Variants in SYT14 observed in about 807,000 individuals in gnomAD.
SYT14 encodes the protein synaptotagmin-14.
SYT14 carries 32 observed loss-of-function variants against 74.2 expected under a neutral mutation model. The ratio of observed to expected loss-of-function variants is 0.43; its 90% CI spans 0.33 to 0.58. The LOEUF is 0.58. Among genes scored for constraint, SYT14 ranks in the 20% least tolerant of loss-of-function variants. The probability of loss-of-function intolerance (pLI) is 0.05; values close to 1 mark genes in which losing one functional copy is unlikely to be tolerated. For missense variants in SYT14, 791 were observed against 981.8 expected (o/e 0.81, Z 2.60); for synonymous variants, 298 against 337.7 (o/e 0.88, Z 1.29).
chr1:210,014,425 T>C (rs926819295), intron 3 of SYT14, among the ~76,000 whole-genome samples: 3 of 151,606 alleles, frequency 2.0e-5, no homozygotes, highest in African/African-American at 7.2e-5. Context: ...TGTTTTTTTT[T>C]TTTTTAATTA....
At chr1:210,101,870 T>G (rs2082073501) in intron 7 of SYT14, among the ~76,000 whole-genome samples, 1 of 152,172 alleles carries the variant, frequency 6.6e-6, no homozygotes, top group East Asian at 1.9e-4. Flanking sequence ...GTATGTAATT[T>G]ATCTGTTACC....
chr1:210,031,431 G>A (rs754506114), intron 5 of SYT14, among the ~76,000 whole-genome samples: 6 of 152,106 alleles, frequency 3.9e-5, no homozygotes, highest in Non-Finnish European at 7.4e-5. Flanking sequence ...TGGCCTCATA[G>A]GATGAGTTAG....
At chr1:210,092,239 A>ATACCGGGC (rs1009342763) in intron 5 of SYT14, among the ~76,000 whole-genome samples, 1 of 152,166 alleles carries the variant, frequency 6.6e-6, no homozygotes, top group African/African-American at 2.4e-5. Context: ...GATGTTTCAG[A>ATACCGGGC]TACCGGGCTT....
chr1:209,983,283 T>A (rs770669986), intron 2 of SYT14, among the ~76,000 whole-genome samples: 5 of 152,296 alleles, frequency 3.3e-5, no homozygotes, highest in South Asian at 2.1e-4. Context: ...GGCCATTACT[T>A]CTTCTGATAT....
At chr1:210,155,041 C>G (rs958440125) in intron 7 of SYT14, among the ~76,000 whole-genome samples, 1 of 152,046 alleles carries the variant, frequency 6.6e-6, no homozygotes, top group Non-Finnish European at 1.5e-5. Context: ...GTTTCTCTTT[C>G]TAGTTCTGGC....
intron 1 of SYT14, among the ~76,000 whole-genome samples, chr1:209,943,307 C>G (rs1351981692): frequency 6.6e-6 from 1 of 151,860 alleles, no homozygotes; most frequent in Non-Finnish European, 1.5e-5. Context: ...AGTTTTGAGA[C>G]CAGCCTGGCC....
intron 7 of SYT14, among the ~76,000 whole-genome samples, chr1:210,150,689 T>C (rs1304104290): frequency 6.6e-6 from 1 of 152,174 alleles, no homozygotes; most frequent in Non-Finnish European, 1.5e-5. Flanking sequence ...AAAAACTGAA[T>C]GCTATCTTCC....
intron 2 of SYT14, among the ~76,000 whole-genome samples, chr1:209,958,444 T>C (rs2079026585): frequency 6.6e-6 from 1 of 152,208 alleles, no homozygotes; most frequent in Non-Finnish European, 1.5e-5. Context: ...TTTGGAATTT[T>C]AATAGGAATT....
At chr1:209,994,860 C>G (rs1020482393) in intron 2 of SYT14, among the ~76,000 whole-genome samples, 1 of 152,132 alleles carries the variant, frequency 6.6e-6, no homozygotes, top group Non-Finnish European at 1.5e-5. Flanking sequence ...AAAAGGAATT[C>G]CAGCTAAGAA....
chr1:210,010,440 C>T (rs2080066430), intron 2 of SYT14, among the ~76,000 whole-genome samples: 1 of 152,002 alleles, frequency 6.6e-6, no homozygotes, highest in South Asian at 2.1e-4. Context: ...TATAGAATGC[C>T]ATGTATATTA....
At chr1:209,952,987 T>G in intron 2 of SYT14, 1 of 1,401,254 alleles carries the variant, frequency 7.1e-7, no homozygotes, top group East Asian at 2.8e-5. Context: ...GCCTGGTTTC[T>G]AGCATATTGG....
At chr1:210,062,174 C>T (rs2102414186) in intron 5 of SYT14, among the ~76,000 whole-genome samples, 1 of 151,828 alleles carries the variant, frequency 6.6e-6, no homozygotes, top group Middle Eastern at 3.4e-3. Flanking sequence ...GTTGCATTAG[C>T]CTGCTGGATG....
chr1:210,066,111 T>G (rs2081291164), intron 5 of SYT14, among the ~76,000 whole-genome samples: 1 of 151,882 alleles, frequency 6.6e-6, no homozygotes, highest in Non-Finnish European at 1.5e-5. Flanking sequence ...CACATTTTCT[T>G]AATCCAGTCT....
At chr1:210,090,796 A>G (rs760986436) in intron 5 of SYT14, among the ~76,000 whole-genome samples, 2 of 152,132 alleles carry the variant, frequency 1.3e-5, no homozygotes, top group African/African-American at 4.8e-5. Flanking sequence ...TCTTATATCA[A>G]TTACATTTAA....
intron 1 of SYT14, among the ~76,000 whole-genome samples, chr1:209,949,583 AAAAC>A (rs2078879767): frequency 2.0e-5 from 3 of 152,212 alleles, no homozygotes; most frequent in East Asian, 1.9e-4. Context: ...AAAAAAAAAA[AAAAC>A]ACTCAATTTC....
intron 5 of SYT14, among the ~76,000 whole-genome samples, chr1:210,038,352 C>T (rs1187085498): frequency 6.6e-6 from 1 of 151,990 alleles, no homozygotes; most frequent in African/African-American, 2.4e-5. Context: ...CTGGTTGTGT[C>T]ATGTTTTTTA....
intron 5 of SYT14, among the ~76,000 whole-genome samples, chr1:210,023,526 T>C (rs2080345858): frequency 6.6e-6 from 1 of 151,910 alleles, no homozygotes; most frequent in South Asian, 2.1e-4. Context: ...GTATTTTTAG[T>C]AGACACGGGG....
rs2079149912 is a variant in SYT14 at position 209,965,898 on chromosome 1, G to T, written c.-486+13142G>T. ...ACTTCTTTTTTTTTTTTTAGATAGG[G>T]TATTTCTCTGTGGCCAGGCTGGAGT... On this transcript the variant is annotated intron_variant, in intron 2 of 9. Transcript: ENST00000637265. 6.7e-6 allele frequency: 3 copies of T among 450,964 alleles called. No homozygotes were observed. Among genetic ancestry groups the T allele is most frequent in the Non-Finnish European group, 1.3e-5 (3 of 225,124 alleles). The allele number at this position is 450,964 out of a possible 1,614,324, so 27.9% of individuals were successfully genotyped here.
At chr1:210,019,395 T>C (rs1247406708) in intron 4 of SYT14, among the ~76,000 whole-genome samples, 3 of 152,154 alleles carry the variant, frequency 2.0e-5, no homozygotes, top group African/African-American at 7.2e-5. Context: ...GAAAAAGTCT[T>C]ATATCTCTGC....
Sources: allele counts gnomAD v4.1 joint callset (sites outside exome capture counted in the v4.1 genomes callset), GRCh38; gene constraint gnomAD v4.1.1; transcripts MANE v1.5; gene names NCBI Gene and HGNC (gene_info 2026-07-23, HGNC 2026-07-21).